The following GLI3 variants were observed in gnomAD, a reference collection of about 807,000 sequenced individuals.
GLI3 encodes the protein GLI family zinc finger 3.
GLI3 carries 20 observed loss-of-function variants against 100.8 expected under a neutral mutation model. The ratio of observed to expected loss-of-function variants is 0.20; its 90% CI spans 0.14 to 0.29. GLI3 has a LOEUF of 0.29. Ranked by LOEUF, GLI3 falls within the 10% of genes least tolerant of loss-of-function variation. The pLI, the probability that GLI3 is intolerant of heterozygous loss-of-function variation, is 1.00. For missense variants in GLI3, 2,040 were observed against 2,128.5 expected (o/e 0.96, Z 0.82); for synonymous variants, 938 against 860.5 (o/e 1.09, Z -1.58).
chr7:42,040,683 T>TGAATTTA (rs1201657432), intron 6 of GLI3, among the ~76,000 whole-genome samples: 24 of 152,228 alleles, frequency 1.6e-4, no homozygotes, highest in African/African-American at 5.8e-4. Flanking sequence ...TGAATTAAAG[T>TGAATTTA]ATCCTAAGAT....
chr7:42,028,623 G>T (rs1328479984), intron 7 of GLI3, among the ~76,000 whole-genome samples: 2 of 152,018 alleles, frequency 1.3e-5, no homozygotes, highest in Non-Finnish European at 2.9e-5. Context: ...AATTAGCCAG[G>T]CGTGATGGCA....
At chr7:42,256,583 G>T (rs1229909395) in intron 1 of GLI3, among the ~76,000 whole-genome samples, 1 of 152,048 alleles carries the variant, frequency 6.6e-6, no homozygotes, top group Non-Finnish European at 1.5e-5. Context: ...TTGAGCACAG[G>T]TTCACTATAA....
At chr7:42,259,712 C>A (rs888022129) in intron 1 of GLI3, among the ~76,000 whole-genome samples, 2 of 152,110 alleles carry the variant, frequency 1.3e-5, no homozygotes, top group Non-Finnish European at 2.9e-5. Flanking sequence ...ACGCAGATGA[C>A]CTTGCATTTT....
chr7:42,174,383 C>G (rs149942097), intron 2 of GLI3, among the ~76,000 whole-genome samples: 1 of 152,294 alleles, frequency 6.6e-6, no homozygotes, highest in African/African-American at 2.4e-5. Context: ...TGATTCAAAA[C>G]TGGGTCAAGA....
intron 3 of GLI3, among the ~76,000 whole-genome samples, chr7:42,085,113 T>C (rs148350965): frequency 1.5e-4 from 23 of 152,118 alleles, no homozygotes; most frequent in Admixed American, 6.5e-4. Flanking sequence ...GGATTCACCA[T>C]GTGAGCCAGG....
intron 10 of GLI3, among the ~76,000 whole-genome samples, chr7:41,983,562 G>A (rs551451512): frequency 2.6e-5 from 4 of 152,232 alleles, no homozygotes; most frequent in East Asian, 1.9e-4. Flanking sequence ...CAGTGAAAAC[G>A]TTAATCAAAT....
chr7:42,240,625 C>T (rs1788914898), upstream of GLI3, among the ~76,000 whole-genome samples: 1 of 152,154 alleles, frequency 6.6e-6, no homozygotes, highest in African/African-American at 2.4e-5. Context: ...TCTGGCTTCT[C>T]TTCTTATAAA....
At chr7:42,171,508 T>A (rs1393306141) in intron 2 of GLI3, among the ~76,000 whole-genome samples, 1 of 152,248 alleles carries the variant, frequency 6.6e-6, no homozygotes, top group Non-Finnish European at 1.5e-5. Flanking sequence ...GAAATAAGGC[T>A]AATATTTGTT....
chr7:42,169,466 A>T (rs976203319), intron 2 of GLI3, among the ~76,000 whole-genome samples: 1 of 152,214 alleles, frequency 6.6e-6, no homozygotes, highest in Admixed American at 6.5e-5. Context: ...AAGTGCTGGT[A>T]AAGGTTTAAT....
intron 4 of GLI3, among the ~76,000 whole-genome samples, chr7:42,066,292 T>C (rs1470759523): frequency 1.3e-5 from 2 of 152,100 alleles, no homozygotes; most frequent in African/African-American, 2.4e-5. Context: ...GATGTTTCTC[T>C]CCAATACACT....
chr7:42,237,761 A>G (rs1788847348), upstream of GLI3: 1 of 151,866 alleles, frequency 6.6e-6, no homozygotes, highest in Non-Finnish European at 1.5e-5. Flanking sequence ...AGTTGGGAAA[A>G]CTTGGAGTGC....
At chr7:42,189,389 TA>T (rs1244199574) in intron 2 of GLI3, among the ~76,000 whole-genome samples, 3 of 152,170 alleles carry the variant, frequency 2.0e-5, no homozygotes, top group Non-Finnish European at 4.4e-5. Context: ...AAACAGATAT[TA>T]AACCACTAAG....
In GLI3 at chr7:42,026,138, G is replaced by A. The variant is rs1789104061; in HGVS notation, c.1242+61C>T. On this transcript the variant is annotated intron_variant, in intron 8 of 14. Transcript: ENST00000395925. ...GCCGTGTTGATTAACAGCTGACGTG[G>A]TGGCCTGCCCCCACCCTCGGCTGAC... 15 of 1,117,388 alleles carry A rather than the reference G, an allele frequency of 1.3e-5. No individual in the cohort carries two copies. The South Asian group carries it at 1.6e-4, about 12-fold the overall frequency. The allele number at this position is 1,117,388 out of a possible 1,614,324, so 69.2% of individuals were successfully genotyped here.
chr7:42,014,686 A>T (rs111261824), intron 10 of GLI3, among the ~76,000 whole-genome samples: 1 of 152,038 alleles, frequency 6.6e-6, no homozygotes, highest in Non-Finnish European at 1.5e-5. Flanking sequence ...CTGCTTGTAC[A>T]TCGATAGTAC....
rs1486125318 is a variant in GLI3, at chr7:41,966,496, C to T, written c.2577G>A (p.Leu859=). 1 of 1,613,372 alleles carries T rather than the reference C, an allele frequency of 6.2e-7. No homozygotes were observed. The highest frequency in any genetic ancestry group is 1.1e-5 in the South Asian group (1 of 91,082). Residue 859 remains leucine (L), a synonymous_variant, in exon 15 of 15, where the codon CTG becomes CTA. Coordinates refer to ENST00000395925, the MANE Select transcript of GLI3 (RefSeq NM_000168.6). This position sits in a 1 kb window ranked among gnomAD's most constrained non-coding sequence, Gnocchi z 5.8. ...SSASTISSAY[L]SSRRSSGISP... is the part of the protein sequence containing the mutation. The stretch of plus-strand genomic sequence containing the variant: ...AGATCCCTGAGGAGCGGCGGCTGCT[C>T]AGGTAGGCCGAGCTGATGGTGCTGG...
At chr7:42,014,449 C>T (rs558747046) in intron 10 of GLI3, among the ~76,000 whole-genome samples, 12 of 152,304 alleles carry the variant, frequency 7.9e-5, no homozygotes, top group African/African-American at 2.9e-4. Flanking sequence ...AAACCTCAGT[C>T]TTTTATTATA....
At chr7:42,133,490 C>A (rs1227812341) in intron 3 of GLI3, among the ~76,000 whole-genome samples, 1 of 152,142 alleles carries the variant, frequency 6.6e-6, no homozygotes, top group Non-Finnish European at 1.5e-5. Context: ...ACACTGGGAT[C>A]AGGAAATTCA....
chr7:42,081,155 A>G (rs1784989886), intron 3 of GLI3, among the ~76,000 whole-genome samples: 1 of 152,138 alleles, frequency 6.6e-6, no homozygotes, highest in Admixed American at 6.5e-5. Context: ...TGTGTACTCT[A>G]CTGTCAGCAA....
chr7:42,254,088 G>T (rs1317906913), intron 1 of GLI3, among the ~76,000 whole-genome samples: 2 of 152,004 alleles, frequency 1.3e-5, no homozygotes, highest in Non-Finnish European at 2.9e-5. Context: ...GCATGGTGGT[G>T]CATGCCTGTA....
Sources: gnomAD v4.1 joint callset for allele counts (sites outside exome capture counted in the v4.1 genomes callset) on GRCh38, gnomAD v4.1.1 for gene constraint, Gnocchi (gnomAD v3.1) non-coding constraint, MANE v1.5 for transcripts, NCBI Gene and HGNC (gene_info 2026-07-23, HGNC 2026-07-21) for gene names.